Variants in CALML3 observed in about 807,000 individuals in gnomAD.
CALML3 encodes calmodulin like 3, also known as calmodulin-like protein 3.
For missense variants in CALML3, 198 were observed against 214.1 expected, an observed-to-expected ratio of 0.92 and a Z score of 0.47; for synonymous variants, 98 against 89.9, an observed-to-expected ratio of 1.09 and a Z score of -0.51.
rs1255178936 is a variant in CALML3, at chr10:5,525,189, C to T, written c.104C>T (p.Thr35Met). The T allele has an allele frequency of 1.9e-6, 3 of 1,613,758 alleles. No homozygotes were observed. The highest frequency in any genetic ancestry group is 1.7e-5 in the Admixed American group (1 of 59,994). ...TGCATCACCACCCGCGAGCTGGGCACGGTCATGCGGTCCCTGGGCCAGAAC... is the reference window on the plus strand; with the variant it reads ...TGCATCACCACCCGCGAGCTGGGCATGGTCATGCGGTCCCTGGGCCAGAAC... ...DGCITTRELG[T>M]VMRSLGQNPT... The change falls in exon 1 of 1, where the codon ACG becomes ATG. Residue 35 changes from threonine to methionine, a missense_variant. Transcript: ENST00000315238.
Position 5,525,704 on chromosome 10 carries a change from G to T in CALML3, c.*169G>T. On this transcript the variant is annotated 3_prime_UTR_variant, in exon 1 of 1. Coordinates refer to ENST00000315238, the MANE Select transcript of CALML3 (RefSeq NM_005185.4). The stretch of plus-strand genomic sequence containing the variant: ...ATCCCGCTTCCCGCGTCTCTTCTCT[G>T]CACTCCTGCCGACCTTCCCACCTGC... 3.5e-6 allele frequency: 5 copies of T among 1,447,090 alleles called. No homozygotes were observed. The highest frequency in any genetic ancestry group is 4.6e-6 in the Non-Finnish European group (5 of 1,098,274). 89.6% of individuals were successfully genotyped at this position (1,447,090 alleles called of 1,614,324 possible).
At position 5,526,173 on chromosome 10, in the gene CALML3, CTG is replaced by C. The variant is rs1833585174; in HGVS notation, c.*640_*641del. The C allele has an allele frequency of 6.0e-6, 1 of 167,666 alleles. No individual in the cohort carries two copies. The highest frequency in any genetic ancestry group is 1.9e-4 in the East Asian group (1 of 5,192). 10.4% of individuals were successfully genotyped at this position (167,666 alleles called of 1,614,324 possible). Reference sequence around the variant, plus strand: ...GAAGCTGGGAGTGAAACTGGGTCAGCTGTAACCTGTTCCTATTCATCTGGAAG... The same window carrying C: ...GAAGCTGGGAGTGAAACTGGGTCAGCTAACCTGTTCCTATTCATCTGGAAG... On this transcript the variant is annotated 3_prime_UTR_variant, in exon 1 of 1. Transcript: ENST00000315238.
Position 5,525,553 on chromosome 10 carries a change from C to T in CALML3, c.*18C>T, listed in dbSNP as rs781538898. ...CCAAGTGAGGCCGGCGCCCACCATG[C>T]TCCTGGGCGCCCACGCGGCCCACAG... On this transcript the variant is annotated 3_prime_UTR_variant, in exon 1 of 1. Transcript: ENST00000315238. The T allele has an allele frequency of 2.6e-6, 4 of 1,563,430 alleles. No homozygotes were observed. In the Admixed American group the frequency reaches 7.1e-5, roughly 28 times the overall value.
chr10:5,526,378 AC>A lies in CALML3; in HGVS notation c.*844del. On this transcript the variant is annotated 3_prime_UTR_variant, in exon 1 of 1. Transcript: ENST00000315238. ...TTTTGAAAATGCAATGAATTCCTATACGGGGGAGCGGGAAAGGTGCCTCAGA... is the reference window on the plus strand; with the variant it reads ...TTTTGAAAATGCAATGAATTCCTATAGGGGGAGCGGGAAAGGTGCCTCAGA... 6.0e-6 allele frequency: 1 copy of A among 166,786 alleles called. No individual in the cohort carries two copies. The highest frequency in any genetic ancestry group is 1.5e-5 in the Non-Finnish European group (1 of 68,090). The allele number at this position is 166,786 out of a possible 1,614,324, so 10.3% of individuals were successfully genotyped here.
rs561774981 is a variant in CALML3 at position 5,525,008 on chromosome 10, G to A, written c.-78G>A. The A allele has an allele frequency of 7.0e-5, 79 of 1,133,576 alleles. 1 individual carries two copies. The South Asian group carries it at 1.1e-3, about 16-fold the overall frequency. 70.2% of individuals were successfully genotyped at this position (1,133,576 alleles called of 1,614,324 possible). ...GATCTCCACCTGCCACCCCAGAGCT[G>A]GGACAGCAGCCGGGCTGCGGCACTG... On this transcript the variant is annotated 5_prime_UTR_variant, in exon 1 of 1. Transcript: ENST00000315238.
chr10:5,525,048 C>A lies in CALML3; in HGVS notation c.-38C>A. On this transcript the variant is annotated 5_prime_UTR_variant, in exon 1 of 1. Coordinates refer to ENST00000315238, the MANE Select transcript of CALML3 (RefSeq NM_005185.4). The stretch of plus-strand genomic sequence containing the variant: ...CTGCGGCACTGGGAGGGAGACCCCA[C>A]AGTGGCCTCTTCTGCCACCCACGCC... The A allele has an allele frequency of 1.4e-6, 2 of 1,455,418 alleles. No individual in the cohort carries two copies. Among genetic ancestry groups the A allele is most frequent in the Non-Finnish European group, 1.9e-6 (2 of 1,057,024 alleles). 90.2% of individuals were successfully genotyped at this position (1,455,418 alleles called of 1,614,324 possible).
chr10:5,525,912 T>G lies in CALML3; in HGVS notation c.*377T>G. 4 of 366,468 alleles carry G rather than the reference T, an allele frequency of 1.1e-5. No homozygotes were observed. Among genetic ancestry groups the G allele is most frequent in the East Asian group, 1.1e-4 (1 of 9,410 alleles). The allele number at this position is 366,468 out of a possible 1,614,324, so 22.7% of individuals were successfully genotyped here. A position where few individuals can be genotyped will look rare whatever the true frequency, so the allele number is the denominator to read the frequency against. On this transcript the variant is annotated 3_prime_UTR_variant, in exon 1 of 1. Coordinates refer to ENST00000315238, the MANE Select transcript of CALML3 (RefSeq NM_005185.4). ...GGCAAGATCCCTAAGAGGCACCCAA[T>G]GCCCAGGCCAGGGGGGCTGCAGCCC...
Position 5,525,390 on chromosome 10 carries a change from G to C in CALML3, c.305G>C (p.Ser102Thr), listed in dbSNP as rs1246988929. 1 of 1,613,764 alleles carries C rather than the reference G, an allele frequency of 6.2e-7. No individual in the cohort carries two copies. The highest frequency in any genetic ancestry group is 1.1e-5 in the South Asian group (1 of 91,078). ...GACAAGGACGGCAACGGCTTCGTCA[G>C]CGCCGCCGAGCTGCGACACGTCATG... ...VFDKDGNGFV[S>T]AAELRHVMTR... The change falls in exon 1 of 1, where the codon AGC (serine) becomes ACC (threonine). Residue 102 changes from serine (S) to threonine (T), a missense_variant. Physicochemically the swap from Ser to Thr is moderately conservative, Grantham distance 58 (BLOSUM62 1). Coordinates refer to ENST00000315238, the MANE Select transcript of CALML3 (RefSeq NM_005185.4).
At position 5,525,254 on chromosome 10, in the gene CALML3, G is replaced by A. The variant is rs1483475084; in HGVS notation, c.169G>A (p.Asp57Asn). The A allele has an allele frequency of 6.2e-7, 1 of 1,613,936 alleles. No individual in the cohort carries two copies. The highest frequency in any genetic ancestry group is 8.5e-7 in the Non-Finnish European group (1 of 1,180,002). Residue 57 changes from aspartate (D) to asparagine (N), a missense_variant, in exon 1 of 1, where the codon GAC becomes AAC. By Grantham distance (23) the Asp-to-Asn change is conservative. Transcript: ENST00000315238. ...AELRDMMSEI[D>N]RDGNGTVDFP... ...GCTGCGGGACATGATGAGTGAGATC[G>A]ACCGGGACGGCAACGGCACCGTGGA...
rs1833589296 is a variant in CALML3, at chr10:5,526,521, G to A, written c.*986G>A. ...GAAAGACCTGAGTCCATTACGTTGAGAAGGGACCTGCTGATTGCTTTGATT... is the reference window on the plus strand; with the variant it reads ...GAAAGACCTGAGTCCATTACGTTGAAAAGGGACCTGCTGATTGCTTTGATT... On this transcript the variant is annotated 3_prime_UTR_variant, in exon 1 of 1. Coordinates refer to ENST00000315238, the MANE Select transcript of CALML3 (RefSeq NM_005185.4). 1 of 167,132 alleles carries A rather than the reference G, an allele frequency of 6.0e-6. No homozygotes were observed. The highest frequency in any genetic ancestry group is 2.4e-5 in the African/African-American group (1 of 41,456). 10.4% of individuals were successfully genotyped at this position (167,132 alleles called of 1,614,324 possible). A position where few individuals can be genotyped will look rare whatever the true frequency, so the allele number is the denominator to read the frequency against.
At position 5,525,399 on chromosome 10, in the gene CALML3, A is replaced by T; in HGVS notation, c.314A>T (p.Glu105Val). ...GGCAACGGCTTCGTCAGCGCCGCCG[A>T]GCTGCGACACGTCATGACCCGGCTG... ...KDGNGFVSAA[E>V]LRHVMTRLGE... Residue 105 changes from glutamate (E) to valine (V), a missense_variant, in exon 1 of 1, where the codon GAG becomes GTG. Physicochemically the swap from Glu to Val is moderately radical, Grantham distance 121. Transcript: ENST00000315238. 3 of 1,613,826 alleles carry T rather than the reference A, an allele frequency of 1.9e-6. No individual in the cohort carries two copies. The highest frequency in any genetic ancestry group is 2.5e-6 in the Non-Finnish European group (3 of 1,179,968).
In CALML3 at chr10:5,525,901, G is replaced by C. The variant is rs4589189; in HGVS notation, c.*366G>C. On this transcript the variant is annotated 3_prime_UTR_variant, in exon 1 of 1. Transcript: ENST00000315238. ...TAGGGCACCCAGGCAAGATCCCTAA[G>C]AGGCACCCAATGCCCAGGCCAGGGG... is the stretch of plus-strand genomic sequence containing the variant. 0.3 allele frequency: 148,632 copies of C among 495,470 alleles called. 23,388 individuals are homozygous for C. The highest frequency in any genetic ancestry group is 0.4 in the Middle Eastern group (437 of 1,092). 30.7% of individuals were successfully genotyped at this position (495,470 alleles called of 1,614,324 possible).
rs1833561032 is a variant in CALML3 at position 5,525,026 on chromosome 10, C to T, written c.-60C>T. 7.0e-6 allele frequency: 9 copies of T among 1,294,306 alleles called. No homozygotes were observed. Among genetic ancestry groups the T allele is most frequent in the Admixed American group, 3.9e-5 (2 of 50,650 alleles). 80.2% of individuals were successfully genotyped at this position (1,294,306 alleles called of 1,614,324 possible). ...CAGAGCTGGGACAGCAGCCGGGCTG[C>T]GGCACTGGGAGGGAGACCCCACAGT... On this transcript the variant is annotated 5_prime_UTR_variant, in exon 1 of 1. Transcript: ENST00000315238.
chr10:5,525,082 T>C lies in CALML3; in HGVS notation c.-4T>C. ...CTTCTGCCACCCACGCCCCCACCCC[T>C]GGCATGGCCGACCAGCTGACTGAGG... On this transcript the variant is annotated 5_prime_UTR_variant, in exon 1 of 1. Coordinates refer to ENST00000315238, the MANE Select transcript of CALML3 (RefSeq NM_005185.4). The C allele has an allele frequency of 6.3e-7, 1 of 1,591,412 alleles. No individual in the cohort carries two copies. The highest frequency in any genetic ancestry group is 8.6e-7 in the Non-Finnish European group (1 of 1,165,532).
At position 5,525,622 on chromosome 10, in the gene CALML3, C is replaced by T; in HGVS notation, c.*87C>T. On this transcript the variant is annotated 3_prime_UTR_variant, in exon 1 of 1. Coordinates refer to ENST00000315238, the MANE Select transcript of CALML3 (RefSeq NM_005185.4). ...CCCGCCTCCTCCCCCATCCCCCTGC[C>T]TCCCCTGGGCACTGTGGCTTCCTCC... The T allele has an allele frequency of 8.9e-6, 13 of 1,465,168 alleles. No homozygotes were observed. Among genetic ancestry groups the T allele is most frequent in the Non-Finnish European group, 1.2e-5 (13 of 1,107,806 alleles). 90.8% of individuals were successfully genotyped at this position (1,465,168 alleles called of 1,614,324 possible). A position where few individuals can be genotyped will look rare whatever the true frequency, so the allele number is the denominator to read the frequency against.
chr10:5,525,613 T>TC lies in CALML3; in HGVS notation c.*83dup. ...CCGGGGCCTCCCGCCTCCTCCCCCA[T>TC]CCCCCTGCCTCCCCTGGGCACTGTG... On this transcript the variant is annotated 3_prime_UTR_variant, in exon 1 of 1. Coordinates refer to ENST00000315238, the MANE Select transcript of CALML3 (RefSeq NM_005185.4). 1 of 693,964 alleles carries TC rather than the reference T, an allele frequency of 1.4e-6. No homozygotes were observed. The highest frequency in any genetic ancestry group is 2.7e-5 in the Admixed American group (1 of 37,006). The allele number at this position is 693,964 out of a possible 1,614,324, so 43.0% of individuals were successfully genotyped here.
Position 5,525,575 on chromosome 10 carries a change from A to G in CALML3, c.*40A>G. 6.5e-7 allele frequency: 1 copy of G among 1,529,214 alleles called. No individual in the cohort carries two copies. The highest frequency in any genetic ancestry group is 2.3e-5 in the East Asian group (1 of 43,056). The allele number at this position is 1,529,214 out of a possible 1,614,324, so 94.7% of individuals were successfully genotyped here. On this transcript the variant is annotated 3_prime_UTR_variant, in exon 1 of 1. Transcript: ENST00000315238. ...ATGCTCCTGGGCGCCCACGCGGCCC[A>G]CAGGGCAAGAACCCGGGGCCTCCCG...
rs1419976271 is a variant in CALML3, at chr10:5,525,869, G to A, written c.*334G>A. 2 of 874,314 alleles carry A rather than the reference G, an allele frequency of 2.3e-6. No individual in the cohort carries two copies. Among genetic ancestry groups the A allele is most frequent in the Non-Finnish European group, 3.0e-6 (2 of 674,320 alleles). The allele number at this position is 874,314 out of a possible 1,614,324, so 54.2% of individuals were successfully genotyped here. Reference sequence around the variant, plus strand: ...CGGCCCTCCAGGACGGACACCGGGTGACCCCTTAGGGCACCCAGGCAAGAT... The same window carrying A: ...CGGCCCTCCAGGACGGACACCGGGTAACCCCTTAGGGCACCCAGGCAAGAT... On this transcript the variant is annotated 3_prime_UTR_variant, in exon 1 of 1. Coordinates refer to ENST00000315238, the MANE Select transcript of CALML3 (RefSeq NM_005185.4).
At position 5,525,669 on chromosome 10, in the gene CALML3, A is replaced by T; in HGVS notation, c.*134A>T. 6.9e-7 allele frequency: 1 copy of T among 1,442,066 alleles called. No individual in the cohort carries two copies. Among genetic ancestry groups the T allele is most frequent in the East Asian group, 2.6e-5 (1 of 39,134 alleles). The allele number at this position is 1,442,066 out of a possible 1,614,324, so 89.3% of individuals were successfully genotyped here. On this transcript the variant is annotated 3_prime_UTR_variant, in exon 1 of 1. Transcript: ENST00000315238. Reference sequence around the variant, plus strand: ...CTCCTGCGCCTGGTTGATTCAGCCCACCTCTCTGCATCCCGCTTCCCGCGT... The same window carrying T: ...CTCCTGCGCCTGGTTGATTCAGCCCTCCTCTCTGCATCCCGCTTCCCGCGT...
Sources: gnomAD v4.1 joint callset for allele counts on GRCh38, gnomAD v4.1.1 for gene constraint, MANE v1.5 for transcripts, NCBI Gene and HGNC (gene_info 2026-07-23, HGNC 2026-07-21) for gene names.